Variants in NEDD9 observed in about 807,000 individuals in gnomAD.
The protein encoded by NEDD9 is neural precursor cell expressed, developmentally down-regulated 9, also known as enhancer of filamentation 1.
In NEDD9, 26 loss-of-function variants were observed where a neutral mutation model predicts 76.6. The ratio of observed to expected loss-of-function variants is 0.34; its 90% CI spans 0.25 to 0.47. The LOEUF (loss-of-function observed/expected upper bound fraction) is 0.47, where lower values mean the gene tolerates loss of function less well. Among genes scored for constraint, NEDD9 ranks in the 20% least tolerant of loss-of-function variants. The pLI is 1.00. For missense variants in NEDD9, 937 were observed against 1,058.5 expected (o/e 0.89, Z 1.59); for synonymous variants, 392 against 414.2 (o/e 0.95, Z 0.65).
At chr6:11,310,976 C>T (rs1043402503) in intron 2 of NEDD9, among the ~76,000 whole-genome samples, 8 of 152,142 alleles carry the variant, frequency 5.3e-5, no homozygotes, top group Non-Finnish European at 1.5e-5. Flanking sequence ...AAGTGAATCC[C>T]TCCACCTGTC....
At chr6:11,281,747 A>G (rs2113358928) in intron 3 of NEDD9, among the ~76,000 whole-genome samples, 1 of 152,004 alleles carries the variant, frequency 6.6e-6, no homozygotes, top group Admixed American at 6.5e-5. Flanking sequence ...CTTTTTTTAT[A>G]TATTTTTATT....
intron 3 of NEDD9, among the ~76,000 whole-genome samples, chr6:11,247,446 T>C (rs568387917): frequency 1.3e-5 from 2 of 152,354 alleles, no homozygotes; most frequent in South Asian, 2.1e-4. Context: ...TATTGGGACA[T>C]AATTCACCTA....
At chr6:11,278,828 G>A (rs1025532266) in intron 3 of NEDD9, among the ~76,000 whole-genome samples, 29 of 152,050 alleles carry the variant, frequency 1.9e-4, no homozygotes, top group Admixed American at 1.2e-3. Flanking sequence ...AGCCCACAGC[G>A]GCAATTACTA....
chr6:11,267,382 T>TG (rs1200112484), intron 3 of NEDD9, among the ~76,000 whole-genome samples: 10 of 144,062 alleles, frequency 6.9e-5, no homozygotes, highest in Non-Finnish European at 1.4e-4. Context: ...CAGATGTCTT[T>TG]GAAAAAAAAA....
At chr6:11,250,716 C>T (rs1010376750) in intron 3 of NEDD9, among the ~76,000 whole-genome samples, 3 of 152,210 alleles carry the variant, frequency 2.0e-5, no homozygotes, top group Admixed American at 6.5e-5. Flanking sequence ...TGGAAATGTA[C>T]TGTGGCTTAG....
chr6:11,279,901 C>T (rs1484107319), intron 3 of NEDD9, among the ~76,000 whole-genome samples: 5 of 152,212 alleles, frequency 3.3e-5, no homozygotes, highest in African/African-American at 1.2e-4. Flanking sequence ...TCAGCATTAG[C>T]TCACCTTGAA....
intron 3 of NEDD9, among the ~76,000 whole-genome samples, chr6:11,260,541 T>G (rs1484659232): frequency 6.6e-6 from 1 of 152,190 alleles, no homozygotes; most frequent in Non-Finnish European, 1.5e-5. Flanking sequence ...GTTCATGAAA[T>G]GATGAAGATC....
intron 3 of NEDD9, among the ~76,000 whole-genome samples, chr6:11,275,716 C>A (rs770952458): frequency 6.6e-6 from 1 of 152,174 alleles, no homozygotes; most frequent in Non-Finnish European, 1.5e-5. Context: ...GCAAACAGAG[C>A]AGGTGTGACT....
intron 3 of NEDD9, among the ~76,000 whole-genome samples, chr6:11,253,345 T>A (rs532892991): frequency 6.6e-6 from 1 of 152,068 alleles, no homozygotes; most frequent in South Asian, 2.1e-4. Flanking sequence ...TTGCGGGGAG[T>A]AAGTGTACTG....
At chr6:11,294,194 G>C (rs538719393) in intron 3 of NEDD9, among the ~76,000 whole-genome samples, 54 of 152,288 alleles carry the variant, frequency 3.5e-4, no homozygotes, top group Non-Finnish European at 6.3e-4. Flanking sequence ...TATATACCCA[G>C]AAGTGGAGTT....
intron 3 of NEDD9, among the ~76,000 whole-genome samples, chr6:11,250,951 C>G (rs756358327): frequency 1.8e-4 from 27 of 152,178 alleles, no homozygotes; most frequent in Non-Finnish European, 3.1e-4. Flanking sequence ...TTTAATTTCT[C>G]TAGGTACTGG....
Position 11,192,628 on chromosome 6 carries a change from T to C in NEDD9, c.562-182A>G. 7.7e-6 allele frequency: 4 copies of C among 516,750 alleles called. No homozygotes were observed. The South Asian group carries it at 1.1e-4, about 14-fold the overall frequency. 32.0% of individuals were successfully genotyped at this position (516,750 alleles called of 1,614,324 possible). ...TTTAATACATTTTATGGTTTTTAACTTACATTTAATATAAAAATGATTTTG... is the reference window on the plus strand; with the variant it reads ...TTTAATACATTTTATGGTTTTTAACCTACATTTAATATAAAAATGATTTTG... On this transcript the variant is annotated intron_variant, in intron 3 of 6. Transcript: ENST00000379446.
chr6:11,192,605 T>TTTTA, intron 3 of NEDD9, 159 bp from the exon 4 acceptor site: 1 of 568,950 alleles, frequency 1.8e-6, no homozygotes, highest in East Asian at 3.5e-5. Context: ...CCTTTTTTTT[T>TTTTA]AATACATTTT....
chr6:11,354,819 C>T (rs1182831475), intron 1 of NEDD9, among the ~76,000 whole-genome samples: 2 of 152,138 alleles, frequency 1.3e-5, no homozygotes, highest in Non-Finnish European at 2.9e-5. Flanking sequence ...TCAGCCCAAA[C>T]AGAGTTCATC....
chr6:11,315,347 C>A (rs1175563612), intron 2 of NEDD9, among the ~76,000 whole-genome samples: 2 of 152,218 alleles, frequency 1.3e-5, no homozygotes, highest in Non-Finnish European at 2.9e-5. Context: ...GCTTGCAGAG[C>A]AAAAGGCTGC....
intron 3 of NEDD9, among the ~76,000 whole-genome samples, chr6:11,276,398 T>C (rs1411229311): frequency 2.0e-5 from 3 of 152,124 alleles, no homozygotes; most frequent in Non-Finnish European, 4.4e-5. Context: ...TGTGCGTGCA[T>C]GTGTGTGTGC....
intron 3 of NEDD9, among the ~76,000 whole-genome samples, chr6:11,265,302 G>A (rs949938525): frequency 6.6e-6 from 1 of 152,190 alleles, no homozygotes; most frequent in Non-Finnish European, 1.5e-5. Flanking sequence ...GTGGAAAAAC[G>A]CTCACCAAAT....
intron 3 of NEDD9, among the ~76,000 whole-genome samples, chr6:11,256,814 T>G (rs1036974836): frequency 6.6e-6 from 1 of 152,234 alleles, no homozygotes; most frequent in African/African-American, 2.4e-5. Context: ...GCCTTTGCAG[T>G]AGGCTGTTTG....
At chr6:11,317,081 C>A (rs1267068529) in intron 2 of NEDD9, among the ~76,000 whole-genome samples, 1 of 152,106 alleles carries the variant, frequency 6.6e-6, no homozygotes, top group Non-Finnish European at 1.5e-5. Context: ...TAGTCATGAG[C>A]CTAGAGCTGG....
Sources: gnomAD v4.1 joint callset for allele counts (sites outside exome capture counted in the v4.1 genomes callset) on GRCh38, gnomAD v4.1.1 for gene constraint, MANE v1.5 for transcripts, NCBI Gene and HGNC (gene_info 2026-07-23, HGNC 2026-07-21) for gene names.